The following SMG8 variants were observed in gnomAD, a reference collection of about 807,000 sequenced individuals.
SMG8 encodes the protein SMG8 nonsense mediated mRNA decay factor.
A neutral mutation model predicts 82.1 loss-of-function variants in SMG8; 49 were observed. That is an observed-to-expected ratio of 0.60 (90% CI 0.47 to 0.76). SMG8 has a LOEUF of 0.76. Ranked by LOEUF, SMG8 falls within the 30% of genes least tolerant of loss-of-function variation. The pLI is 0.00. For missense variants in SMG8, 969 were observed against 1,166.4 expected (o/e 0.83, Z 2.46); for synonymous variants, 404 against 430.0 (o/e 0.94, Z 0.75).
rs1263913697 is a variant in SMG8 at position 59,211,692 on chromosome 17, C to G, written c.1641C>G (p.Tyr547Ter). Residue 547 changes from tyrosine (Y) to a stop codon, truncating the protein, a stop_gained, in exon 1 of 4, where the codon TAC becomes TAG. Coordinates refer to ENST00000300917, the MANE Select transcript of SMG8 (RefSeq NM_018149.7). LOFTEE classifies it high-confidence loss of function. ...QHARGPAFHK[Y>*]AMQLHEDCYK... ...CTAGAGGTCCAGCATTTCACAAATA[C>G]GCCATGCAGTTACATGAGGACTGCT... 2 of 1,614,070 alleles carry G rather than the reference C, an allele frequency of 1.2e-6. No individual in the cohort carries two copies. Among genetic ancestry groups the G allele is most frequent in the East Asian group, 2.2e-5 (1 of 44,890 alleles).
chr17:59,212,922 GC>G lies in SMG8; in HGVS notation c.2101del (p.Gln701AsnfsTer6). On this transcript the variant is annotated frameshift_variant, in exon 3 of 4. Coordinates refer to ENST00000300917, the MANE Select transcript of SMG8 (RefSeq NM_018149.7). LOFTEE classifies it high-confidence loss of function. ...AGCCTGAGTTTAGCTTTGAGTTTGG[GC>G]CAATCCACAGATAGCTTAGGTACCT... ...STSLSLALSL[G>X]QSTDSLGTYP... is the part of the protein sequence containing the mutation. 6.2e-7 allele frequency: 1 copy of G among 1,614,066 alleles called. No homozygotes were observed. The highest frequency in any genetic ancestry group is 8.5e-7 in the Non-Finnish European group (1 of 1,180,026).
intron 3 of SMG8, among the ~76,000 whole-genome samples, chr17:59,214,332 G>A (rs2147865523): frequency 6.6e-6 from 1 of 152,160 alleles, no homozygotes; most frequent in South Asian, 2.1e-4. Context: ...TAATATTTGA[G>A]ACTAAATAAT....
rs533126243 is a variant in SMG8, at chr17:59,210,405, A to C, written c.354A>C (p.Gly118=). ...CTGCAGCCGGGGGTTCAGTTCGGGGAAGTGGAGCTGTCGCGGAAGGTAACC... is the reference window on the plus strand; with the variant it reads ...CTGCAGCCGGGGGTTCAGTTCGGGGCAGTGGAGCTGTCGCGGAAGGTAACC... The part of the protein sequence containing the change: ...PGAAAGGSVR[G]SGAVAEGNRT... The change falls in exon 1 of 4, where the codon GGA becomes GGC. Residue 118 remains glycine (G), a synonymous_variant. Transcript: ENST00000300917. 1.2e-6 allele frequency: 2 copies of C among 1,610,994 alleles called. No homozygotes were observed. Among genetic ancestry groups the C allele is most frequent in the African/African-American group, 2.7e-5 (2 of 74,910 alleles).
Position 59,214,826 on chromosome 17 carries a change from T to C in SMG8, c.2800T>C (p.Cys934Arg). ...TCAGGTTCAGCCAGGCCCACCACCATGTCCGGTATTCTACCCAGAAAAACA... is the reference window on the plus strand; with the variant it reads ...TCAGGTTCAGCCAGGCCCACCACCACGTCCGGTATTCTACCCAGAAAAACA... ...MPQVQPGPPP[C>R]PVFYPEKQEI... The change falls in exon 4 of 4, where the codon TGT (cysteine) becomes CGT (arginine). Residue 934 changes from cysteine (C) to arginine (R), a missense_variant. Transcript: ENST00000300917. 1 of 872,990 alleles carries C rather than the reference T, an allele frequency of 1.1e-6. No individual in the cohort carries two copies. The highest frequency in any genetic ancestry group is 2.0e-6 in the Non-Finnish European group (1 of 501,682). The allele number at this position is 872,990 out of a possible 1,614,324, so 54.1% of individuals were successfully genotyped here.
At position 59,210,970 on chromosome 17, in the gene SMG8, C is replaced by G. The variant is rs1342912032; in HGVS notation, c.919C>G (p.Gln307Glu). ...GAGGCTGCAGCATGCCCTGGAGGAC[C>G]AGATCTATAGAATCTTCCGGAAGAG... ...KRRLQHALED[Q>E]IYRIFRKSRV... is the part of the protein sequence containing the mutation. Residue 307 changes from glutamine (Q) to glutamate (E), a missense_variant, in exon 1 of 4, where the codon CAG becomes GAG. Coordinates refer to ENST00000300917, the MANE Select transcript of SMG8 (RefSeq NM_018149.7). 6.2e-7 allele frequency: 1 copy of G among 1,614,190 alleles called. No individual in the cohort carries two copies. The highest frequency in any genetic ancestry group is 1.3e-5 in the African/African-American group (1 of 75,054).
At position 59,210,065 on chromosome 17, in the gene SMG8, TGA is replaced by T. The variant is rs1197780091; in HGVS notation, c.16_17del (p.Ser6LeufsTer15). 5 of 1,560,672 alleles carry T rather than the reference TGA, an allele frequency of 3.2e-6. No individual in the cohort carries two copies. The highest frequency in any genetic ancestry group is 4.3e-6 in the Non-Finnish European group (5 of 1,157,990). ...ACGCTCTGCACTATGGCTGGTCCCGTGAGCTTGCGAGACCTTCTAATGGGAGC... is the reference window on the plus strand; with the variant it reads ...ACGCTCTGCACTATGGCTGGTCCCGTGCTTGCGAGACCTTCTAATGGGAGC... On this transcript the variant is annotated frameshift_variant, in exon 1 of 4. Coordinates refer to ENST00000300917, the MANE Select transcript of SMG8 (RefSeq NM_018149.7). LOFTEE classifies it high-confidence loss of function.
Position 59,211,014 on chromosome 17 carries a change from G to C in SMG8, c.963G>C (p.Gln321His), listed in dbSNP as rs371370396. 11 of 1,614,190 alleles carry C rather than the reference G, an allele frequency of 6.8e-6. No homozygotes were observed. Among genetic ancestry groups the C allele is most frequent in the Non-Finnish European group, 9.3e-6 (11 of 1,180,042 alleles). Residue 321 changes from glutamine (Q) to histidine (H), a missense_variant, in exon 1 of 4, where the codon CAG becomes CAC. Gln to His is a conservative substitution (Grantham distance 24). Coordinates refer to ENST00000300917, the MANE Select transcript of SMG8 (RefSeq NM_018149.7). ...IFRKSRVLTN[Q>H]SINCLFTVPA... ...GGAAGAGTCGTGTCTTGACTAATCA[G>C]AGCATCAACTGCCTCTTTACTGTGC...
At position 59,213,039 on chromosome 17, in the gene SMG8, G is replaced by A. The variant is rs144712089; in HGVS notation, c.2216G>A (p.Arg739Gln). The A allele has an allele frequency of 6.2e-6, 10 of 1,614,048 alleles. No homozygotes were observed. Among genetic ancestry groups the A allele is most frequent in the East Asian group, 4.5e-5 (2 of 44,894 alleles). Residue 739 changes from arginine (R) to glutamine (Q), a missense_variant, in exon 3 of 4, where the codon CGA becomes CAA. Physicochemically the swap from Arg to Gln is conservative, Grantham distance 43. Transcript: ENST00000300917. ...KTEKRPNFVD[R>Q]QASTVEYLPG... Reference sequence around the variant, plus strand: ...GAGAAGAGGCCAAACTTCGTTGATCGACAGGCATCCACAGTTGAGTATCTC... The same window carrying A: ...GAGAAGAGGCCAAACTTCGTTGATCAACAGGCATCCACAGTTGAGTATCTC...
Position 59,210,910 on chromosome 17 carries a change from C to A in SMG8, c.859C>A (p.His287Asn). 6.2e-7 allele frequency: 1 copy of A among 1,614,182 alleles called. No homozygotes were observed. The highest frequency in any genetic ancestry group is 1.1e-5 in the South Asian group (1 of 91,086). Residue 287 changes from histidine to asparagine, a missense_variant, in exon 1 of 4, where the codon CAT (histidine) becomes AAT (asparagine). His to Asn is a moderately conservative substitution (Grantham distance 68). Transcript: ENST00000300917. ...VEPPRNQDPA[H>N]PDKPKKHSPK... ...ACCTCCTCGGAACCAAGACCCAGCT[C>A]ATCCAGACAAGCCCAAGAAACATTC...
Position 59,213,033 on chromosome 17 carries a change from T to C in SMG8, c.2210T>C (p.Val737Ala). The change falls in exon 3 of 4, where the codon GTT becomes GCT. Residue 737 changes from valine (V) to alanine (A), a missense_variant. Coordinates refer to ENST00000300917, the MANE Select transcript of SMG8 (RefSeq NM_018149.7). ...AAAACTGAGAAGAGGCCAAACTTCG[T>C]TGATCGACAGGCATCCACAGTTGAG... The part of the protein sequence containing the change: ...EVKTEKRPNF[V>A]DRQASTVEYL... 1.9e-6 allele frequency: 3 copies of C among 1,614,198 alleles called. No homozygotes were observed. The highest frequency in any genetic ancestry group is 1.3e-5 in the African/African-American group (1 of 75,048).
chr17:59,214,547 A>G (rs1184956673), intron 3 of SMG8, among the ~76,000 whole-genome samples: 3 of 151,990 alleles, frequency 2.0e-5, no homozygotes, highest in Non-Finnish European at 2.9e-5. Flanking sequence ...GTAACAGATT[A>G]CAGGCACACG....
Position 59,210,321 on chromosome 17 carries a change from T to A in SMG8, c.270T>A (p.Pro90=). ...FRHQDPGDPG[P]GIRTEAGAVG... ...ACCAAGATCCTGGGGATCCAGGACC[T>A]GGAATCAGAACTGAGGCTGGCGCCG... The change falls in exon 1 of 4, where the codon CCT becomes CCA. Residue 90 remains proline (P), a synonymous_variant. Coordinates refer to ENST00000300917, the MANE Select transcript of SMG8 (RefSeq NM_018149.7). The A allele has an allele frequency of 6.2e-7, 1 of 1,612,932 alleles. No individual in the cohort carries two copies. Among genetic ancestry groups the A allele is most frequent in the Non-Finnish European group, 8.5e-7 (1 of 1,179,634 alleles).
In SMG8 at chr17:59,210,535, C is replaced by T. The variant is rs764002969; in HGVS notation, c.484C>T (p.Leu162Phe). ...CACCTCCATCTGTGACAATTCACAG[C>T]TTCTCCGGGCTTGTCGGGCTCTTCA... is the stretch of plus-strand genomic sequence containing the variant. ...LLTSICDNSQ[L>F]LRACRALQSG... Residue 162 changes from leucine (L) to phenylalanine (F), a missense_variant, in exon 1 of 4, where the codon CTT (leucine) becomes TTT (phenylalanine). By Grantham distance (22) the Leu-to-Phe change is conservative. Around this residue, in one of 3 missense-constraint regions of SMG8, gnomAD observed 662 missense variants for 884.8 expected, o/e 0.75. Transcript: ENST00000300917. 7.0e-6 allele frequency: 11 copies of T among 1,563,208 alleles called. No homozygotes were observed. The highest frequency in any genetic ancestry group is 8.6e-6 in the Non-Finnish European group (10 of 1,158,448).
In SMG8 at chr17:59,210,552, G is replaced by A. The variant is rs150749343; in HGVS notation, c.501G>A (p.Arg167=). The A allele has an allele frequency of 3.8e-5, 59 of 1,567,524 alleles. No homozygotes were observed. Among genetic ancestry groups the A allele is most frequent in the Middle Eastern group, 3.4e-4 (2 of 5,802 alleles). The change falls in exon 1 of 4, where the codon CGG becomes CGA. Residue 167 remains arginine, a synonymous_variant. Transcript: ENST00000300917. ...CDNSQLLRAC[R]ALQSGEAGGG... Reference sequence around the variant, plus strand: ...ATTCACAGCTTCTCCGGGCTTGTCGGGCTCTTCAGAGCGGGGAAGCTGGAG... The same window carrying A: ...ATTCACAGCTTCTCCGGGCTTGTCGAGCTCTTCAGAGCGGGGAAGCTGGAG...
rs772882915 is a variant in SMG8, at chr17:59,212,620, ATTCT to A, written c.1906-106_1906-103del. 2.1e-6 allele frequency: 3 copies of A among 1,462,066 alleles called. No homozygotes were observed. The African/African-American group carries it at 4.3e-5, about 21-fold the overall frequency. 90.6% of individuals were successfully genotyped at this position (1,462,066 alleles called of 1,614,324 possible). On this transcript the variant is annotated intron_variant, in intron 2 of 3. Coordinates refer to ENST00000300917, the MANE Select transcript of SMG8 (RefSeq NM_018149.7). ...CAGTATAATATATAAACAGGAGCAA[ATTCT>A]TTATGTGTACATATTTACTTACACA...
rs778200494 is a variant in SMG8, at chr17:59,210,350, G to T, written c.299G>T (p.Gly100Val). Reference protein sequence around the residue: ...PGIRTEAGAVGEAGGAEDPGA... With the variant: ...PGIRTEAGAVVEAGGAEDPGA... The stretch of plus-strand genomic sequence containing the variant: ...ATCAGAACTGAGGCTGGCGCCGTGG[G>T]TGAGGCCGGTGGAGCCGAGGACCCT... The change falls in exon 1 of 4, where the codon GGT becomes GTT. Residue 100 changes from glycine to valine, a missense_variant. Gly to Val is a moderately radical substitution (Grantham distance 109). This residue lies in a region of SMG8 where 206 missense variants were observed against 190.5 expected (regional missense o/e 1.08). Coordinates refer to ENST00000300917, the MANE Select transcript of SMG8 (RefSeq NM_018149.7). The T allele has an allele frequency of 6.2e-7, 1 of 1,611,884 alleles. No individual in the cohort carries two copies. The highest frequency in any genetic ancestry group is 2.2e-5 in the East Asian group (1 of 44,866).
At position 59,210,118 on chromosome 17, in the gene SMG8, C is replaced by T. The variant is rs200110382; in HGVS notation, c.67C>T (p.Pro23Ser). The T allele has an allele frequency of 4.4e-6, 7 of 1,581,648 alleles. No individual in the cohort carries two copies. In the East Asian group the frequency reaches 1.6e-4, roughly 35 times the overall value. ...GASAWMGSESPGGSPTEGGGS... is the reference protein window; with the variant it reads ...GASAWMGSESSGGSPTEGGGS... ...ATCAGCCTGGATGGGCTCTGAAAGT[C>T]CCGGAGGGTCCCCTACTGAGGGCGG... Residue 23 changes from proline (P) to serine (S), a missense_variant, in exon 1 of 4, where the codon CCC (proline) becomes TCC (serine). This residue lies in a region of SMG8 where 206 missense variants were observed against 190.5 expected (regional missense o/e 1.08). Coordinates refer to ENST00000300917, the MANE Select transcript of SMG8 (RefSeq NM_018149.7).
In SMG8 at chr17:59,211,315, C is replaced by G. The variant is rs147742546; in HGVS notation, c.1264C>G (p.Leu422Val). The G allele has an allele frequency of 7.7e-5, 124 of 1,613,938 alleles. No individual in the cohort carries two copies. Among genetic ancestry groups the G allele is most frequent in the Non-Finnish European group, 9.7e-5 (115 of 1,179,978 alleles). The change falls in exon 1 of 4, where the codon CTA becomes GTA. Residue 422 changes from leucine (L) to valine (V), a missense_variant. Leu to Val is a conservative substitution (Grantham distance 32). This residue lies in a region of SMG8 where 662 missense variants were observed against 884.8 expected (regional missense o/e 0.75). Transcript: ENST00000300917. The part of the protein sequence containing the change: ...EFLWQHVELV[L>V]SKKGFDDSVG... The stretch of plus-strand genomic sequence containing the variant: ...CCTATGGCAGCATGTGGAGCTAGTT[C>G]TAAGCAAGAAAGGTTTCGATGACAG...
chr17:59,213,804 T>G lies in SMG8; in HGVS notation c.2778+203T>G, dbSNP rs189092455. 1.3e-4 allele frequency among the ~76,000 whole-genome samples: 20 copies of G among 152,206 alleles called. No homozygotes were observed. The East Asian group carries it at 3.9e-3, about 29-fold the overall frequency. On this transcript the variant is annotated intron_variant, in intron 3 of 3. Transcript: ENST00000300917. ...GAGTTTAAGACCAGCCTGAGCAACA[T>G]AGTGAGACTTGTATCTCTACAAAAA...
Sources: allele counts gnomAD v4.1 joint callset (sites outside exome capture counted in the v4.1 genomes callset), GRCh38; gene constraint gnomAD v4.1.1; regional missense constraint gnomAD v4.1.1; transcripts MANE v1.5; gene names NCBI Gene and HGNC (gene_info 2026-07-23, HGNC 2026-07-21).